STPG2: variants seen among roughly 807,000 people sequenced by gnomAD.
STPG2 encodes sperm tail PG-rich repeat containing 2.
Under a neutral mutation model 54.2 loss-of-function variants are expected in STPG2, and 56 were observed. That is an observed-to-expected ratio of 1.03 (90% CI 0.83 to 1.29). STPG2 has a LOEUF of 1.29. STPG2 is among the 50% of genes most tolerant of loss of function. The pLI, the probability that STPG2 is intolerant of heterozygous loss-of-function variation, is 0.00. For missense variants in STPG2, 596 were observed against 544.9 expected (o/e 1.09, Z -0.93); for synonymous variants, 200 against 181.8 (o/e 1.10, Z -0.81).
intron 8 of STPG2, among the ~76,000 whole-genome samples, chr4:97,860,497 ATTTT>A (rs1560558730): frequency 9.5e-5 from 14 of 148,140 alleles, no homozygotes; most frequent in South Asian, 2.1e-4. Flanking sequence ...ATTTTATTTT[ATTTT>A]ATTTTATTTT....
intron 8 of STPG2, among the ~76,000 whole-genome samples, chr4:97,918,223 T>C (rs572436937): frequency 2.0e-5 from 3 of 152,162 alleles, no homozygotes; most frequent in Non-Finnish European, 4.4e-5. Context: ...GTAACTTTCC[T>C]GGTGAAAATA....
intron 9 of STPG2, among the ~76,000 whole-genome samples, chr4:97,744,357 T>C (rs953375390): frequency 2.0e-5 from 3 of 151,326 alleles, no homozygotes; most frequent in African/African-American, 7.3e-5. Context: ...AATGGCTTTT[T>C]AATTGTTGGG....
intron 9 of STPG2, among the ~76,000 whole-genome samples, chr4:97,829,936 T>C (rs1728397193): frequency 6.6e-6 from 1 of 152,138 alleles, no homozygotes; most frequent in Non-Finnish European, 1.5e-5. Flanking sequence ...TAGAACCAAG[T>C]TGGAAAACAC....
intron 5 of STPG2, among the ~76,000 whole-genome samples, chr4:98,013,901 A>AT (rs1467507999): frequency 6.6e-6 from 1 of 150,910 alleles, no homozygotes; most frequent in Non-Finnish European, 1.5e-5. Flanking sequence ...TATTTTGTTA[A>AT]TTTTTTCAAA....
chr4:97,554,613 C>T (rs1732037931), downstream of STPG2, among the ~76,000 whole-genome samples: 1 of 152,060 alleles, frequency 6.6e-6, no homozygotes, highest in Non-Finnish European at 1.5e-5. Context: ...TGAAGTGATA[C>T]AATATAGAAT....
intron 8 of STPG2, among the ~76,000 whole-genome samples, chr4:97,853,966 G>C (rs544676406): frequency 6.6e-6 from 1 of 152,092 alleles, no homozygotes; most frequent in African/African-American, 2.4e-5. Flanking sequence ...CTTTTTGTGG[G>C]GAGTTTTGTG....
chr4:97,824,393 G>T (rs759072648), intron 9 of STPG2, among the ~76,000 whole-genome samples: 3 of 152,084 alleles, frequency 2.0e-5, no homozygotes, highest in Non-Finnish European at 4.4e-5. Flanking sequence ...AAAAATCATG[G>T]TTTATCTCCT....
At chr4:98,097,604 A>G (rs1219946360) in intron 5 of STPG2, among the ~76,000 whole-genome samples, 1 of 152,182 alleles carries the variant, frequency 6.6e-6, no homozygotes, top group Non-Finnish European at 1.5e-5. Context: ...GTTACTCAAC[A>G]TAGTACTAGA....
At chr4:97,794,824 T>C (rs1039202514) in intron 9 of STPG2, among the ~76,000 whole-genome samples, 1 of 152,214 alleles carries the variant, frequency 6.6e-6, no homozygotes, top group African/African-American at 2.4e-5. Flanking sequence ...CGTGGCTTGC[T>C]TGAAAAGAAT....
At chr4:97,463,300 T>A (rs72885585) in intron 4 of STPG2, among the ~76,000 whole-genome samples, 1,606 of 152,268 alleles carry the variant, frequency 0.011, 31 homozygotes, top group African/African-American at 0.037. Context: ...TATGCACATG[T>A]TTATATATAA....
At chr4:97,496,976 C>T (rs1275925899) in intron 4 of STPG2, among the ~76,000 whole-genome samples, 4 of 146,550 alleles carry the variant, frequency 2.7e-5, no homozygotes, top group Non-Finnish European at 5.9e-5. Flanking sequence ...CTGGTTAGTT[C>T]CATCTTTTCC....
chr4:97,740,071 A>G (rs7661877), intron 9 of STPG2, among the ~76,000 whole-genome samples: 127,428 of 151,910 alleles, frequency 0.84, 53,613 homozygotes, highest in Middle Eastern at 0.95. Flanking sequence ...ACACAAATCA[A>G]TAAATGTAAT....
chr4:97,963,404 C>A (rs1733965218), intron 7 of STPG2, among the ~76,000 whole-genome samples: 1 of 151,968 alleles, frequency 6.6e-6, no homozygotes, highest in Admixed American at 6.6e-5. Context: ...CCCCTGTAAC[C>A]CCACTGCTTT....
chr4:97,940,956 T>C (rs1354268222), intron 8 of STPG2, among the ~76,000 whole-genome samples: 1 of 152,158 alleles, frequency 6.6e-6, no homozygotes, highest in Non-Finnish European at 1.5e-5. Context: ...GTTTCCTTTT[T>C]TTATTTCACT....
At chr4:97,972,976 G>A (rs562818564) in intron 6 of STPG2, among the ~76,000 whole-genome samples, 1 of 152,266 alleles carries the variant, frequency 6.6e-6, no homozygotes, top group Non-Finnish European at 1.5e-5. Flanking sequence ...TTAGCAGAAT[G>A]AAAACAGACT....
At chr4:97,487,332 T>C (rs113091715) in intron 4 of STPG2, among the ~76,000 whole-genome samples, 2,467 of 151,488 alleles carry the variant, frequency 0.016, 63 homozygotes, top group African/African-American at 0.057. Context: ...AGGAAACTTA[T>C]AGTAAAGAGG....
chr4:97,845,200 CTG>C (rs1267322569), intron 8 of STPG2, among the ~76,000 whole-genome samples: 1 of 151,270 alleles, frequency 6.6e-6, no homozygotes, highest in Non-Finnish European at 1.5e-5. Context: ...GATAGCAACT[CTG>C]GATTTTTTTT....
chr4:97,683,644 A>G (rs1723099193), intron 10 of STPG2, among the ~76,000 whole-genome samples: 1 of 151,794 alleles, frequency 6.6e-6, no homozygotes, highest in Non-Finnish European at 1.5e-5. Context: ...CATCTACAAA[A>G]AACCAAAGAT....
At chr4:97,684,535 C>T (rs115362252) in intron 10 of STPG2, among the ~76,000 whole-genome samples, 8 of 151,712 alleles carry the variant, frequency 5.3e-5, no homozygotes, top group South Asian at 2.1e-4. Context: ...GACATTCACA[C>T]GCAAAAAATA....
Sources: allele counts gnomAD v4.1 joint callset (sites outside exome capture counted in the v4.1 genomes callset), GRCh38; gene constraint gnomAD v4.1.1; transcripts MANE v1.5; gene names NCBI Gene and HGNC (gene_info 2026-07-23, HGNC 2026-07-21).